The following FABP7 variants were observed in gnomAD, a reference collection of about 807,000 sequenced individuals.
The protein encoded by FABP7 is fatty acid-binding protein, brain.
A neutral mutation model predicts 14.2 loss-of-function variants in FABP7; 13 were observed. The observed-to-expected ratio is 0.91, with a 90% CI of 0.59 to 1.45. FABP7 has a LOEUF of 1.45. Among genes scored for constraint, FABP7 ranks in the 40% most tolerant of loss-of-function variants. The probability of loss-of-function intolerance (pLI) is 0.00; values close to 1 mark genes in which losing one functional copy is unlikely to be tolerated. For missense variants in FABP7, 149 were observed against 157.6 expected (o/e 0.95, Z 0.29); for synonymous variants, 49 against 51.4 (o/e 0.95, Z 0.20).
upstream of FABP7, among the ~76,000 whole-genome samples, chr6:122,777,870 A>AAATAAATAAATT (rs1780702723): frequency 1.3e-5 from 2 of 151,358 alleles, no homozygotes; most frequent in African/African-American, 4.8e-5. Flanking sequence ...ATAAATAAAT[A>AAATAAATAAATT]AATATAATTT....
intron 3 of FABP7, chr6:122,782,104 A>G: frequency 1.0e-6 from 1 of 985,356 alleles, no homozygotes; most frequent in East Asian, 1.1e-4. Context: ...TCTCGAATGC[A>G]TAATATGCCT....
chr6:122,758,104 G>GTTT, the FABP7 span, among the ~76,000 whole-genome samples: 1 of 79,580 alleles, frequency 1.3e-5, no homozygotes. Context: ...ATATTATCTA[G>GTTT]CTTTTTTTTT....
chr6:122,749,704 A>G, the FABP7 span, among the ~76,000 whole-genome samples: 283 of 152,324 alleles, frequency 1.9e-3, 1 homozygote, highest in African/African-American at 6.3e-3. Context: ...TGCAAAACAA[A>G]TAATGCTTTG....
chr6:122,762,346 C>G, the FABP7 span, among the ~76,000 whole-genome samples: 6 of 152,178 alleles, frequency 3.9e-5, no homozygotes, highest in Non-Finnish European at 8.8e-5. Context: ...AACAGCCCAT[C>G]ATGCTAAAAA....
chr6:122,757,254 T>C, the FABP7 span, among the ~76,000 whole-genome samples: 4 of 152,164 alleles, frequency 2.6e-5, no homozygotes, highest in African/African-American at 7.2e-5. Context: ...TCTCTTGGTC[T>C]CCACAGTATG....
Position 122,779,861 on chromosome 6 carries a change from G to T in FABP7, c.67G>T (p.Ala23Ser), listed in dbSNP as rs754315896. The T allele has an allele frequency of 1.2e-6, 2 of 1,613,902 alleles. No homozygotes were observed. The highest frequency in any genetic ancestry group is 1.3e-5 in the African/African-American group (1 of 75,032). Residue 23 changes from alanine to serine, a missense_variant, in exon 1 of 4, where the codon GCT (alanine) becomes TCT (serine). By Grantham distance (99) the Ala-to-Ser change is moderately conservative. Transcript: ENST00000368444. ...TCAGAACTTTGATGAGTACATGAAG[G>T]CTCTAGGTAGGTAACAATAAGACCG... is the stretch of plus-strand genomic sequence containing the variant. ...NSQNFDEYMK[A>S]LGVGFATRQV...
At chr6:122,774,922 A>AACAAATACCTG (rs558400840), upstream of FABP7, among the ~76,000 whole-genome samples, 213 of 152,286 alleles carry the variant, frequency 1.4e-3, no homozygotes, top group African/African-American at 5.0e-3. Context: ...AGCTACGATA[A>AACAAATACCTG]ACAAATACCT....
the FABP7 span, among the ~76,000 whole-genome samples, chr6:122,774,179 T>C: frequency 5.3e-5 from 8 of 151,816 alleles, no homozygotes; most frequent in Non-Finnish European, 1.2e-4. Context: ...CTAGCCAATA[T>C]GGTAAAACAC....
the FABP7 span, among the ~76,000 whole-genome samples, chr6:122,770,507 A>G: frequency 6.6e-6 from 1 of 152,130 alleles, no homozygotes; most frequent in South Asian, 2.1e-4. Flanking sequence ...CTGAAGAAAT[A>G]TTAGAATCTA....
chr6:122,782,477 A>C, intron 3 of FABP7: 1 of 959,170 alleles, frequency 1.0e-6, no homozygotes, highest in Non-Finnish European at 1.2e-6. Flanking sequence ...TTTTGTCCTA[A>C]ATTGATCAAA....
chr6:122,758,726 T>C, the FABP7 span, among the ~76,000 whole-genome samples: 1 of 152,186 alleles, frequency 6.6e-6, no homozygotes, highest in Non-Finnish European at 1.5e-5. Context: ...AGACAATATA[T>C]AAAAATATTA....
intron 3 of FABP7, chr6:122,783,041 A>T (rs1780833289): frequency 1.0e-6 from 1 of 985,330 alleles, no homozygotes; most frequent in South Asian, 4.7e-5. Flanking sequence ...GACTACAAGG[A>T]TATACTATAC....
chr6:122,756,880 C>A, the FABP7 span, among the ~76,000 whole-genome samples: 1 of 152,138 alleles, frequency 6.6e-6, no homozygotes, highest in African/African-American at 2.4e-5. Flanking sequence ...TCCTTGTTTT[C>A]CTCTCATTTC....
upstream of FABP7, among the ~76,000 whole-genome samples, chr6:122,775,125 A>G (rs1041534503): frequency 2.6e-5 from 4 of 152,138 alleles, no homozygotes; most frequent in African/African-American, 4.8e-5. Flanking sequence ...TAAAATACCA[A>G]TGACATTCTT....
chr6:122,772,616 A>G, the FABP7 span, among the ~76,000 whole-genome samples: 4 of 152,126 alleles, frequency 2.6e-5, no homozygotes. Context: ...AAGGGATTTC[A>G]TCATGTTGCC....
At chr6:122,756,129 C>T in the FABP7 span, among the ~76,000 whole-genome samples, 1 of 152,162 alleles carries the variant, frequency 6.6e-6, no homozygotes, top group African/African-American at 2.4e-5. Flanking sequence ...AGGCCAGGTT[C>T]CTGGAGACAT....
At chr6:122,775,729 A>G (rs1268775481), upstream of FABP7, among the ~76,000 whole-genome samples, 3 of 151,964 alleles carry the variant, frequency 2.0e-5, no homozygotes, top group Non-Finnish European at 4.4e-5. Context: ...AAAAAATACT[A>G]AACAAAGCGG....
At position 122,781,074 on chromosome 6, in the gene FABP7, AT is replaced by A. The variant is rs1159082779; in HGVS notation, c.247-15del. Reference sequence around the variant, plus strand: ...AATTGTATTTATTGCTATGTTCTGCATTTTGTTGTTGGTCTCAGTCTGTTGT... The same window carrying A: ...AATTGTATTTATTGCTATGTTCTGCATTTGTTGTTGGTCTCAGTCTGTTGT... On this transcript the variant is annotated intron_variant, in intron 2 of 3. Transcript: ENST00000368444. The A allele has an allele frequency of 6.2e-7, 1 of 1,605,300 alleles. No individual in the cohort carries two copies. Among genetic ancestry groups the A allele is most frequent in the South Asian group, 1.1e-5 (1 of 90,302 alleles).
At chr6:122,771,465 G>T in the FABP7 span, among the ~76,000 whole-genome samples, 5 of 152,154 alleles carry the variant, frequency 3.3e-5, no homozygotes, top group East Asian at 7.7e-4. Flanking sequence ...GATCTTCAAG[G>T]AATATAAGAA....
Sources: allele counts gnomAD v4.1 joint callset (sites outside exome capture counted in the v4.1 genomes callset), GRCh38; gene constraint gnomAD v4.1.1; transcripts MANE v1.5; gene names NCBI Gene and HGNC (gene_info 2026-07-23, HGNC 2026-07-21).